The following EXOC3L4 variants were observed in gnomAD, a reference collection of about 807,000 sequenced individuals.
The protein encoded by EXOC3L4 is exocyst complex component 3 like 4, also known as exocyst complex component 3-like protein 4.
In EXOC3L4, 62 loss-of-function variants were observed where a neutral mutation model predicts 69.7. The observed-to-expected ratio is 0.89, with a 90% confidence interval of 0.72 to 1.10. The LOEUF is 1.10. Among genes scored for constraint, EXOC3L4 ranks in the 50% least tolerant of loss-of-function variants. The pLI, the probability that EXOC3L4 is intolerant of heterozygous loss-of-function variation, is 0.00. For synonymous variants in EXOC3L4, 502 were observed against 464.2 expected (o/e 1.08, Z -1.05); for missense variants, 1,087 against 1,034.8 (o/e 1.05, Z -0.69).
At chr14:103,105,270 C>T (rs1044516753) in intron 7 of EXOC3L4, among the ~76,000 whole-genome samples, 198 bp downstream of exon 7, 3 of 146,462 alleles carry the variant, frequency 2.0e-5, no homozygotes, top group Non-Finnish European at 3.0e-5. Context: ...GGTGTGTGTG[C>T]GTGTGTGATG....
chr14:103,100,130 G>C, intron 1 of EXOC3L4, 74 bp from the exon 2 acceptor site: 1 of 1,417,812 alleles, frequency 7.1e-7, no homozygotes, highest in Non-Finnish European at 9.3e-7. Context: ...CCAAGCCCCT[G>C]GGTGTGGCCA....
At chr14:103,108,266 C>T (rs1423715084) in intron 10 of EXOC3L4, 130 bp from the exon 11 acceptor site, 13 of 1,386,756 alleles carry the variant, frequency 9.4e-6, no homozygotes, top group African/African-American at 8.6e-5. Flanking sequence ...GTCCCGGCAC[C>T]GAGCCAGAGT....
chr14:103,102,808 G>A (rs1890285445), intron 3 of EXOC3L4, 36 bp downstream of exon 3: 4 of 1,313,552 alleles, frequency 3.0e-6, no homozygotes, highest in Non-Finnish European at 1.9e-6. Flanking sequence ...GGCGAGGACA[G>A]CTGCCGCTTC....
rs1195676302 is a variant in EXOC3L4 at position 103,098,986 on chromosome 14, C to T, written c.-16-1218C>T. The T allele has an allele frequency of 2.0e-5, 3 of 152,236 alleles. No individual in the cohort carries two copies. In the East Asian group the frequency reaches 5.8e-4, roughly 29 times the overall value. The allele number at this position is 152,236 out of a possible 1,614,324, so 9.4% of individuals were successfully genotyped here. ...GGCGAGGGTGGGTGGGGGTCTGGGC[C>T]CTGCCCACTTTGGTGTCATTCCACC... On this transcript the variant is annotated intron_variant, in intron 1 of 11. Transcript: ENST00000688303.
At chr14:103,103,793 C>CGTGTGTGTGTGTGT (rs775120339) in intron 3 of EXOC3L4, 148 bp from the exon 4 acceptor site, 30 of 454,128 alleles carry the variant, frequency 6.6e-5, no homozygotes, top group East Asian at 3.5e-4. Context: ...TAGAGGCGCG[C>CGTGTGTGTGTGTGT]GCGCGTGTGT....
Position 103,102,315 on chromosome 14 carries a change from C to T in EXOC3L4, c.592C>T (p.Arg198Cys), listed in dbSNP as rs749262903. Residue 198 changes from arginine (R) to cysteine (C), a missense_variant, in exon 3 of 12, where the codon CGC (arginine) becomes TGC (cysteine). Transcript: ENST00000688303. ...GLAAEIGAIV[R>C]ETLDSDGVDA... ...GGCAGCCGAGATCGGCGCCATCGTG[C>T]GCGAGACGCTGGACAGCGACGGTGT... 4 of 1,567,444 alleles carry T rather than the reference C, an allele frequency of 2.6e-6. No individual in the cohort carries two copies. The highest frequency in any genetic ancestry group is 2.3e-5 in the South Asian group (2 of 86,914).
intron 1 of EXOC3L4, chr14:103,098,568 CGG>C (rs1057309870): frequency 1.3e-5 from 2 of 152,294 alleles, no homozygotes; most frequent in Non-Finnish European, 2.9e-5. Flanking sequence ...AACAAGAAGG[CGG>C]GGCCTGGCTT....
chr14:103,110,335 G>T lies in EXOC3L4; in HGVS notation c.*112G>T. On this transcript the variant is annotated 3_prime_UTR_variant, in exon 12 of 12. Coordinates refer to ENST00000688303, the MANE Select transcript of EXOC3L4 (RefSeq NM_001077594.2). ...CCCTGCCCCCAACTCTGACACTGCA[G>T]TTAGGGAATTTTTGTCGTCAGCAGC... is the stretch of plus-strand genomic sequence containing the variant. 1 of 1,297,072 alleles carries T rather than the reference G, an allele frequency of 7.7e-7. No homozygotes were observed. Among genetic ancestry groups the T allele is most frequent in the Non-Finnish European group, 1.1e-6 (1 of 930,944 alleles). 80.3% of individuals were successfully genotyped at this position (1,297,072 alleles called of 1,614,324 possible).
rs774384088 is a variant in EXOC3L4 at position 103,104,800 on chromosome 14, G to A, written c.1347G>A (p.Leu449=). ...AISAELEATT[L]RICTRALGLF... ...CCGCGGAGCTGGAGGCCACCACCCTGCGAATCTGCACGCGGGCGCTCGGCC... is the reference window on the plus strand; with the variant it reads ...CCGCGGAGCTGGAGGCCACCACCCTACGAATCTGCACGCGGGCGCTCGGCC... Residue 449 remains leucine (L), a synonymous_variant, in exon 6 of 12, where the codon CTG becomes CTA. Coordinates refer to ENST00000688303, the MANE Select transcript of EXOC3L4 (RefSeq NM_001077594.2). 14 of 1,525,240 alleles carry A rather than the reference G, an allele frequency of 9.2e-6. No individual in the cohort carries two copies. The highest frequency in any genetic ancestry group is 1.1e-5 in the Non-Finnish European group (13 of 1,131,860). The allele number at this position is 1,525,240 out of a possible 1,614,324, so 94.5% of individuals were successfully genotyped here. A position where few individuals can be genotyped will look rare whatever the true frequency, so the allele number is the denominator to read the frequency against.
rs1371417146 is a variant in EXOC3L4, at chr14:103,097,366, C to T, written c.-17+2526C>T. Among the ~76,000 whole-genome samples the T allele has an allele frequency of 6.6e-6, 1 of 152,110 alleles. No homozygotes were observed. Among genetic ancestry groups the T allele is most frequent in the Non-Finnish European group, 1.5e-5 (1 of 68,018 alleles). On this transcript the variant is annotated intron_variant, in intron 1 of 11. Coordinates refer to ENST00000688303, the MANE Select transcript of EXOC3L4 (RefSeq NM_001077594.2). This position sits in a 1 kb window ranked among gnomAD's most constrained non-coding sequence, Gnocchi z 4.9. ...TAGGAGCCGGGGCCCCCTGGACTCT[C>T]CGGGCACTGGGGACAGAGAGACGCA...
At chr14:103,096,703 G>T (rs1889904134) in intron 1 of EXOC3L4, among the ~76,000 whole-genome samples, 1 of 152,226 alleles carries the variant, frequency 6.6e-6, no homozygotes, top group South Asian at 2.1e-4. Flanking sequence ...GGCATTCTTA[G>T]TCGGACTAGG....
chr14:103,100,964 G>A (rs1045083962), intron 2 of EXOC3L4, among the ~76,000 whole-genome samples: 1 of 148,624 alleles, frequency 6.7e-6, no homozygotes, highest in African/African-American at 2.5e-5. Flanking sequence ...GTGCAGTGAC[G>A]CAATCTTGGC....
rs117128688 is a variant in EXOC3L4 at position 103,105,984 on chromosome 14, C to T, written c.1467-801C>T. Among the ~76,000 whole-genome samples the T allele has an allele frequency of 3.1e-4, 47 of 152,376 alleles. No homozygotes were observed. The East Asian group carries it at 7.9e-3, about 26-fold the overall frequency. ...GTCAAATAGGATCAGAGCACCTGCT[C>T]CCTGGGGTGGTGTGGGACCTCTGTG... is the stretch of plus-strand genomic sequence containing the variant. On this transcript the variant is annotated intron_variant, in intron 7 of 11. Transcript: ENST00000688303.
rs1417035067 is a variant in EXOC3L4, at chr14:103,104,068, TCAGGCTGGGCGGGC to T, written c.1161+25_1161+38del. 7.8e-6 allele frequency: 12 copies of T among 1,540,360 alleles called. No individual in the cohort carries two copies. The highest frequency in any genetic ancestry group is 2.4e-5 in the East Asian group (1 of 40,910). Reference sequence around the variant, plus strand: ...CTTCCTGGAGGTCAGGCCGGGCGGGTCAGGCTGGGCGGGCCAGGCTGGAGGGGGCGGGCCCTGGG... The same window carrying T: ...CTTCCTGGAGGTCAGGCCGGGCGGGTCAGGCTGGAGGGGGCGGGCCCTGGG... On this transcript the variant is annotated intron_variant, in intron 4 of 11. Coordinates refer to ENST00000688303, the MANE Select transcript of EXOC3L4 (RefSeq NM_001077594.2).
intron 11 of EXOC3L4, among the ~76,000 whole-genome samples, chr14:103,109,022 C>T (rs978885033): frequency 6.6e-6 from 1 of 151,908 alleles, no homozygotes; most frequent in Non-Finnish European, 1.5e-5. Flanking sequence ...AAGGATTCCC[C>T]ATCCCCAGCA....
chr14:103,103,679 G>A, intron 3 of EXOC3L4: 3 of 477,624 alleles, frequency 6.3e-6, no homozygotes, highest in Non-Finnish European at 1.1e-5. Flanking sequence ...CTGTGTTTGA[G>A]GAGAGGGCGG....
intron 11 of EXOC3L4, among the ~76,000 whole-genome samples, chr14:103,109,183 CT>C (rs1326482130): frequency 2.4e-5 from 3 of 122,780 alleles, no homozygotes; most frequent in African/African-American, 9.9e-5. Flanking sequence ...CGGTCTCCCT[CT>C]CTCCCTCGCC....
At chr14:103,098,778 G>A (rs1395699860) in intron 1 of EXOC3L4, 1 of 152,226 alleles carries the variant, frequency 6.6e-6, no homozygotes, top group African/African-American at 2.4e-5. Context: ...AATCAGGCAG[G>A]GTCCCTGAAC....
In EXOC3L4 at chr14:103,102,163, C is replaced by T; in HGVS notation, c.440C>T (p.Ala147Val). 6.2e-7 allele frequency: 1 copy of T among 1,604,770 alleles called. No individual in the cohort carries two copies. The highest frequency in any genetic ancestry group is 1.1e-5 in the South Asian group (1 of 89,432). ...CTCATTACTGAACGGCAACTGCTGG[C>T]GGCCTTCGAACAGCTTCTGCGCCTG... is the stretch of plus-strand genomic sequence containing the variant. Reference protein sequence around the residue: ...ADLITERQLLAAFEQLLRLET... With the variant: ...ADLITERQLLVAFEQLLRLET... Residue 147 changes from alanine (A) to valine (V), a missense_variant, in exon 3 of 12, where the codon GCG becomes GTG. Physicochemically the swap from Ala to Val is moderately conservative, Grantham distance 64. Transcript: ENST00000688303.
Sources: gnomAD v4.1 joint callset for allele counts (sites outside exome capture counted in the v4.1 genomes callset) on GRCh38, gnomAD v4.1.1 for gene constraint, Gnocchi (gnomAD v3.1) non-coding constraint, MANE v1.5 for transcripts, NCBI Gene and HGNC (gene_info 2026-07-23, HGNC 2026-07-21) for gene names.